The following FIBCD1 variants were observed in gnomAD, a reference collection of about 807,000 sequenced individuals.
FIBCD1 encodes fibrinogen C domain containing 1.
In FIBCD1, 47 loss-of-function variants were observed where a neutral mutation model predicts 45.1. The observed-to-expected ratio is 1.04, with a 90% confidence interval of 0.82 to 1.33. The LOEUF (loss-of-function observed/expected upper bound fraction) is 1.33. FIBCD1 is among the 40% of genes most tolerant of loss of function. FIBCD1 has a pLI of 0.00. For synonymous variants in FIBCD1, 313 were observed against 308.1 expected, an observed-to-expected ratio of 1.02 and a Z score of -0.17; for missense variants, 653 against 682.2, an observed-to-expected ratio of 0.96 and a Z score of 0.48.
rs1443692684 is a variant in FIBCD1 at position 130,904,293 on chromosome 9, C to A, written c.1157G>T (p.Arg386Met). Residue 386 changes from arginine (R) to methionine (M), a missense_variant, in exon 7 of 7, where the codon AGG becomes ATG. Physicochemically the swap from Arg to Met is moderately conservative, Grantham distance 91. Coordinates refer to ENST00000372338, the MANE Select transcript of FIBCD1 (RefSeq NM_032843.5). ...GCTGTCACGGTCCTTGGTGGTGAAC[C>A]TCATGCCGCTGTGCTTCAGGAGGGA... The part of the protein sequence containing the change: ...GDSLLKHSGM[R>M]FTTKDRDSDH... 1.2e-6 allele frequency: 2 copies of A among 1,610,932 alleles called. No homozygotes were observed. Among genetic ancestry groups the A allele is most frequent in the Non-Finnish European group, 1.7e-6 (2 of 1,177,878 alleles).
intron 2 of FIBCD1, among the ~76,000 whole-genome samples, chr9:130,929,222 C>T (rs1349503940): frequency 1.3e-5 from 2 of 152,160 alleles, no homozygotes; most frequent in Admixed American, 1.3e-4. Flanking sequence ...TCGATTTGCT[C>T]CTGATGGGGG....
intron 4 of FIBCD1, among the ~76,000 whole-genome samples, chr9:130,914,984 G>A (rs1409314756): frequency 2.0e-5 from 3 of 152,260 alleles, no homozygotes; most frequent in Admixed American, 6.5e-5. Flanking sequence ...CAGCGGCCAG[G>A]CGGCCGTGAG....
chr9:130,925,428 G>T (rs1010659696), intron 2 of FIBCD1, among the ~76,000 whole-genome samples: 9 of 152,134 alleles, frequency 5.9e-5, no homozygotes, highest in South Asian at 2.1e-4. Context: ...CCAGGTTCTG[G>T]TGTTGACTGT....
In FIBCD1 at chr9:130,903,619, C is replaced by G. The variant is rs774930384; in HGVS notation, c.*445G>C. On this transcript the variant is annotated 3_prime_UTR_variant, in exon 7 of 7. Coordinates refer to ENST00000372338, the MANE Select transcript of FIBCD1 (RefSeq NM_032843.5). ...AGGATACTGGCCTCAGACCTGACCT[C>G]AGAGAGACCTGACGTTCCCCACGAT... 7.2e-6 allele frequency: 2 copies of G among 279,106 alleles called. No homozygotes were observed. The highest frequency in any genetic ancestry group is 1.4e-5 in the Non-Finnish European group (2 of 142,228). The allele number at this position is 279,106 out of a possible 1,614,324, so 17.3% of individuals were successfully genotyped here. A position where few individuals can be genotyped will look rare whatever the true frequency, so the allele number is the denominator to read the frequency against.
chr9:130,910,667 A>C (rs1177810878), intron 5 of FIBCD1, among the ~76,000 whole-genome samples: 2 of 152,212 alleles, frequency 1.3e-5, no homozygotes, highest in African/African-American at 4.8e-5. Context: ...TATCTAGCTC[A>C]AGGTTTGTAA....
At chr9:130,908,147 G>A (rs923372548) in intron 5 of FIBCD1, among the ~76,000 whole-genome samples, 1 of 152,288 alleles carries the variant, frequency 6.6e-6, no homozygotes, top group Admixed American at 6.5e-5. Context: ...CCTATCATGT[G>A]TTGGACAAAT....
At chr9:130,910,821 T>C (rs1832024284) in intron 5 of FIBCD1, among the ~76,000 whole-genome samples, 2 of 151,960 alleles carry the variant, frequency 1.3e-5, no homozygotes, top group African/African-American at 2.4e-5. Flanking sequence ...ACCCTGTGTC[T>C]AGCTCAGGGT....
At chr9:130,936,538 A>G (rs987994696) in intron 1 of FIBCD1, among the ~76,000 whole-genome samples, 3 of 152,236 alleles carry the variant, frequency 2.0e-5, no homozygotes, top group Non-Finnish European at 2.9e-5. Context: ...GTGGGGGCTG[A>G]AAGCTGTGCC....
Position 130,905,388 on chromosome 9 carries a change from G to A in FIBCD1, c.972C>T (p.Thr324=). Residue 324 remains threonine (T), a synonymous_variant, in exon 6 of 7, where the codon ACC becomes ACT. Coordinates refer to ENST00000372338, the MANE Select transcript of FIBCD1 (RefSeq NM_032843.5). ...WLGLKRIHAL[T]TQAAYELHVD... ...CGTGCAGCTCGTAGGCAGCCTGTGTGGTCAGGGCGTGGATCCTCTTGAGCC... is the reference window on the plus strand; with the variant it reads ...CGTGCAGCTCGTAGGCAGCCTGTGTAGTCAGGGCGTGGATCCTCTTGAGCC... The A allele has an allele frequency of 6.2e-7, 1 of 1,613,916 alleles. No individual in the cohort carries two copies. The highest frequency in any genetic ancestry group is 8.5e-7 in the Non-Finnish European group (1 of 1,179,924).
At chr9:130,912,884 G>C (rs1304341387) in intron 4 of FIBCD1, among the ~76,000 whole-genome samples, 3 of 151,984 alleles carry the variant, frequency 2.0e-5, no homozygotes, top group African/African-American at 7.3e-5. Context: ...AGAACCAAGA[G>C]CACCCCCCAC....
chr9:130,927,381 G>A (rs1041327986), intron 2 of FIBCD1, among the ~76,000 whole-genome samples: 1 of 152,160 alleles, frequency 6.6e-6, no homozygotes, highest in Non-Finnish European at 1.5e-5. Flanking sequence ...TATCCCCCAC[G>A]TGACAGAGCC....
At chr9:130,919,548 C>T (rs1289615948) in intron 4 of FIBCD1, among the ~76,000 whole-genome samples, 1 of 152,234 alleles carries the variant, frequency 6.6e-6, no homozygotes, top group African/African-American at 2.4e-5. Context: ...CCTCCCTGAG[C>T]CTGAGCCTGC....
chr9:130,913,251 GCTTTATTCTC>G (rs1832096765), intron 4 of FIBCD1, among the ~76,000 whole-genome samples: 2 of 103,314 alleles, frequency 1.9e-5, no homozygotes, highest in African/African-American at 1.5e-4. Flanking sequence ...TGTTTAACAA[GCTTTATTCTC>G]CTTTATTCTC....
intron 4 of FIBCD1, among the ~76,000 whole-genome samples, chr9:130,920,100 C>T (rs1261642860): frequency 6.6e-6 from 1 of 152,148 alleles, no homozygotes; most frequent in East Asian, 1.9e-4. Flanking sequence ...GAGGGCCGCC[C>T]CACTGGACAG....
chr9:130,913,496 G>A (rs1009550477), intron 4 of FIBCD1, among the ~76,000 whole-genome samples: 7 of 152,336 alleles, frequency 4.6e-5, no homozygotes, highest in Admixed American at 2.0e-4. Flanking sequence ...CCTCGGGGAC[G>A]TGTCCGTCAC....
At position 130,929,850 on chromosome 9, in the gene FIBCD1, AG is replaced by A. The variant is rs1489645326; in HGVS notation, c.268del (p.Leu90SerfsTer30). ...GCAGCGCGGGTCAATGAGGATGCTG[AG>A]GTGCGAGCTGTCCGCCCTTTCCACA... ...VTVERADSSHLSILIDPRCPD... is the reference protein window; with the variant it reads ...VTVERADSSHXSILIDPRCPD... On this transcript the variant is annotated frameshift_variant, in exon 2 of 7. Coordinates refer to ENST00000372338, the MANE Select transcript of FIBCD1 (RefSeq NM_032843.5). LOFTEE classifies it high-confidence loss of function. The A allele has an allele frequency of 1.9e-6, 3 of 1,549,606 alleles. No homozygotes were observed. In the African/African-American group the frequency reaches 4.1e-5, roughly 21 times the overall value.
intron 1 of FIBCD1, among the ~76,000 whole-genome samples, chr9:130,931,978 T>C (rs1027331325): frequency 6.6e-6 from 1 of 152,270 alleles, no homozygotes; most frequent in African/African-American, 2.4e-5. Context: ...CATTATCCCA[T>C]GATCAATGTG....
rs550820092 is a variant in FIBCD1 at position 130,938,512 on chromosome 9, C to T, written c.72+24G>A. On this transcript the variant is annotated intron_variant, in intron 1 of 6. Transcript: ENST00000372338. ...CACCGCCTGGCCAGCCGCCCAGGCC[C>T]CGTGTCCCAGCGCCCGAGCGTACCT... The T allele has an allele frequency of 3.6e-5, 54 of 1,479,898 alleles. No homozygotes were observed. In the African/African-American group the frequency reaches 7.5e-4, roughly 20 times the overall value. The allele number at this position is 1,479,898 out of a possible 1,614,324, so 91.7% of individuals were successfully genotyped here. A position where few individuals can be genotyped will look rare whatever the true frequency, so the allele number is the denominator to read the frequency against.
At chr9:130,913,306 G>A (rs1022461757) in intron 4 of FIBCD1, among the ~76,000 whole-genome samples, 5 of 146,270 alleles carry the variant, frequency 3.4e-5, no homozygotes, top group East Asian at 4.4e-4. Context: ...CCCGCGGCCC[G>A]GCCGGCCTCC....
Sources: gnomAD v4.1 joint callset for allele counts (sites outside exome capture counted in the v4.1 genomes callset) on GRCh38, gnomAD v4.1.1 for gene constraint, MANE v1.5 for transcripts, NCBI Gene and HGNC (gene_info 2026-07-23, HGNC 2026-07-21) for gene names.